The following CSMD3 variants were observed in gnomAD, a reference collection of about 807,000 sequenced individuals.
CSMD3 encodes CUB and sushi domain-containing protein 3.
CSMD3 carries 177 observed loss-of-function variants against 435.2 expected under a neutral mutation model. The observed-to-expected ratio is 0.41, with a 90% CI of 0.36 to 0.46. The LOEUF (loss-of-function observed/expected upper bound fraction) is 0.46, where lower values mean the gene tolerates loss of function less well. CSMD3 is among the 20% of genes least tolerant of loss of function. The pLI is 0.34. For missense variants in CSMD3, 4,265 were observed against 4,504.6 expected (o/e 0.95, Z 1.52); for synonymous variants, 1,656 against 1,520.5 (o/e 1.09, Z -2.07).
At chr8:113,246,932 T>G (rs1004856502) in intron 3 of CSMD3, among the ~76,000 whole-genome samples, 1 of 152,196 alleles carries the variant, frequency 6.6e-6, no homozygotes, top group Non-Finnish European at 1.5e-5. Context: ...GGGATACACA[T>G]GCAATGCTCC....
At chr8:112,248,029 AG>A (rs746866058) in intron 63 of CSMD3, among the ~76,000 whole-genome samples, 3 of 152,144 alleles carry the variant, frequency 2.0e-5, no homozygotes, top group Non-Finnish European at 4.4e-5. Context: ...AGTGGGAAGC[AG>A]GGGTATATAG....
At chr8:112,992,721 G>A (rs925622296) in intron 6 of CSMD3, among the ~76,000 whole-genome samples, 2 of 151,800 alleles carry the variant, frequency 1.3e-5, no homozygotes, top group African/African-American at 4.8e-5. Flanking sequence ...AGTCAGCAAT[G>A]GAGAAGGGAA....
intron 10 of CSMD3, among the ~76,000 whole-genome samples, chr8:112,874,699 T>C (rs2081231026): frequency 6.6e-6 from 1 of 152,210 alleles, no homozygotes; most frequent in African/African-American, 2.4e-5. Flanking sequence ...TTAAAGTCTG[T>C]TTTATCAGAG....
intron 49 of CSMD3, among the ~76,000 whole-genome samples, chr8:112,312,913 G>A (rs1261780165): frequency 6.6e-6 from 1 of 152,018 alleles, no homozygotes; most frequent in African/African-American, 2.4e-5. Context: ...AGGAATTTTC[G>A]GTTGAATTGA....
intron 28 of CSMD3, among the ~76,000 whole-genome samples, chr8:112,514,881 T>C (rs1404736938): frequency 1.3e-5 from 2 of 152,030 alleles, no homozygotes; most frequent in Non-Finnish European, 2.9e-5. Context: ...TCTGCAGCCT[T>C]AGCAATTTTT....
intron 6 of CSMD3, among the ~76,000 whole-genome samples, chr8:112,985,480 G>C (rs981111295): frequency 2.6e-5 from 4 of 152,030 alleles, no homozygotes; most frequent in African/African-American, 7.2e-5. Flanking sequence ...ATTTTAGAGA[G>C]AATGTTCTTG....
At chr8:112,745,495 C>T (rs16884044) in intron 13 of CSMD3, among the ~76,000 whole-genome samples, 57,335 of 151,670 alleles carry the variant, frequency 0.38, 12,148 homozygotes, top group African/African-American at 0.58. Flanking sequence ...ATTGGCTATG[C>T]TTTCTGTAAA....
chr8:112,942,823 A>G (rs2083493121), intron 9 of CSMD3, among the ~76,000 whole-genome samples: 1 of 151,772 alleles, frequency 6.6e-6, no homozygotes, highest in South Asian at 2.1e-4. Context: ...TGTGACATAC[A>G]ATTTACCTAT....
chr8:112,638,710 T>C lies in CSMD3; in HGVS notation c.3512A>G (p.Asn1171Ser), dbSNP rs754147064. 1.9e-6 allele frequency: 3 copies of C among 1,589,952 alleles called. No individual in the cohort carries two copies. The highest frequency in any genetic ancestry group is 2.2e-5 in the South Asian group (2 of 90,586). ...TATTTTCTCACCAGAGAATGTTATG[T>C]TAAATCCTTCATATGATATTGAAAA... ...SDFSISYEGF[N>S]ITFSEYNLEP... Residue 1171 changes from asparagine to serine, a missense_variant, in exon 21 of 71, where the codon AAC becomes AGC. By Grantham distance (46) the Asn-to-Ser change is conservative. Coordinates refer to ENST00000297405, the MANE Select transcript of CSMD3 (RefSeq NM_198123.2).
intron 38 of CSMD3, among the ~76,000 whole-genome samples, chr8:112,362,099 T>C (rs1208791394): frequency 2.6e-5 from 4 of 151,908 alleles, no homozygotes; most frequent in Non-Finnish European, 5.9e-5. Flanking sequence ...GTGAACCCAA[T>C]ATGAGTTGGT....
intron 40 of CSMD3, among the ~76,000 whole-genome samples, chr8:112,347,376 GA>G (rs1161565198): frequency 6.6e-6 from 1 of 152,074 alleles, no homozygotes; most frequent in East Asian, 1.9e-4. Context: ...TACCTATACA[GA>G]ATACTTATTT....
chr8:113,330,150 T>C (rs1465564037), intron 1 of CSMD3, among the ~76,000 whole-genome samples: 1 of 152,024 alleles, frequency 6.6e-6, no homozygotes, highest in Non-Finnish European at 1.5e-5. Flanking sequence ...AAATATAACA[T>C]TTAATAATAA....
At chr8:113,020,277 G>C (rs2086642005) in intron 5 of CSMD3, among the ~76,000 whole-genome samples, 1 of 151,888 alleles carries the variant, frequency 6.6e-6, no homozygotes, top group African/African-American at 2.4e-5. Context: ...AATATAGTTG[G>C]ATATGTAGTC....
intron 3 of CSMD3, among the ~76,000 whole-genome samples, chr8:113,179,552 G>C (rs1167261613): frequency 1.3e-5 from 2 of 151,672 alleles, no homozygotes; most frequent in Non-Finnish European, 2.9e-5. Context: ...TTCACAGAAA[G>C]TCCCCTATAG....
rs73342262 is a variant in CSMD3 at position 113,138,289 on chromosome 8, C to A, written c.709+35433G>T. On this transcript the variant is annotated intron_variant, in intron 4 of 70. Coordinates refer to ENST00000297405, the MANE Select transcript of CSMD3 (RefSeq NM_198123.2). Reference sequence around the variant, plus strand: ...ATAGGCTATTTGAGGGTCAGTGTCACTAGTTGTAACTAAAAAAATTGAATT... The same window carrying A: ...ATAGGCTATTTGAGGGTCAGTGTCAATAGTTGTAACTAAAAAAATTGAATT... 3.6e-3 allele frequency among the ~76,000 whole-genome samples: 539 copies of A among 151,450 alleles called. 3 individuals are homozygous for A. Among genetic ancestry groups the A allele is most frequent in the African/African-American group, 0.012 (502 of 41,448 alleles).
chr8:112,690,682 G>A (rs2076115860), intron 13 of CSMD3, among the ~76,000 whole-genome samples: 1 of 149,810 alleles, frequency 6.7e-6, no homozygotes, highest in South Asian at 2.1e-4. Flanking sequence ...ATGTTTCTTG[G>A]ATGAGTGGAA....
intron 29 of CSMD3, among the ~76,000 whole-genome samples, chr8:112,504,336 T>A (rs1173783199): frequency 2.0e-5 from 3 of 152,094 alleles, no homozygotes; most frequent in Non-Finnish European, 2.9e-5. Flanking sequence ...AGTGACATAT[T>A]CTTATGCAAG....
intron 9 of CSMD3, among the ~76,000 whole-genome samples, chr8:112,933,395 A>G (rs2083179496): frequency 6.6e-6 from 1 of 152,192 alleles, no homozygotes. Flanking sequence ...GAATTGTAAT[A>G]TCAGTTCTGC....
At chr8:112,533,266 C>T (rs1424155972) in intron 27 of CSMD3, among the ~76,000 whole-genome samples, 3 of 151,712 alleles carry the variant, frequency 2.0e-5, no homozygotes, top group African/African-American at 7.3e-5. Flanking sequence ...TTTGTAAGTC[C>T]TTATCTATCA....
Sources: gnomAD v4.1 joint callset for allele counts (sites outside exome capture counted in the v4.1 genomes callset) on GRCh38, gnomAD v4.1.1 for gene constraint, MANE v1.5 for transcripts, NCBI Gene and HGNC (gene_info 2026-07-23, HGNC 2026-07-21) for gene names.